The following FBRSL1 variants were observed in gnomAD, a reference collection of about 807,000 sequenced individuals.
FBRSL1 encodes fibrosin like 1.
In FBRSL1, 51 loss-of-function variants were observed where a neutral mutation model predicts 89.6. The ratio of observed to expected loss-of-function variants is 0.57; its 90% CI spans 0.45 to 0.72. The LOEUF (loss-of-function observed/expected upper bound fraction) is 0.72. FBRSL1 is among the 30% of genes least tolerant of loss of function. FBRSL1 has a pLI of 0.00. For missense variants in FBRSL1, 1,618 were observed against 1,451.8 expected, an observed-to-expected ratio of 1.11 and a Z score of -1.86; for synonymous variants, 779 against 681.1, an observed-to-expected ratio of 1.14 and a Z score of -2.24.
Position 132,581,469 on chromosome 12 carries a change from G to A in FBRSL1, c.1865G>A (p.Gly622Glu). The change falls in exon 16 of 19, where the codon GGA becomes GAA. Residue 622 changes from glycine (G) to glutamate (E), a missense_variant. Coordinates refer to ENST00000680143, the MANE Select transcript of FBRSL1 (RefSeq NM_001367871.1). ...GAAHPASNPF[G>E]PSAHPGSFLP... is the part of the protein sequence containing the mutation. ...GCCCATCCTGCCTCCAACCCATTTG[G>A]ACCCTCAGCCCATCCTGGCAGCTTC... The A allele has an allele frequency of 6.4e-7, 1 of 1,551,098 alleles. No homozygotes were observed. The highest frequency in any genetic ancestry group is 1.2e-5 in the South Asian group (1 of 84,068).
At chr12:132,532,052 C>T (rs2036334608) in intron 4 of FBRSL1, among the ~76,000 whole-genome samples, 1 of 152,178 alleles carries the variant, frequency 6.6e-6, no homozygotes, top group African/African-American at 2.4e-5. Flanking sequence ...AATGAGGATC[C>T]ACAAGAGCTT....
chr12:132,531,859 G>A (rs890033111), intron 4 of FBRSL1, among the ~76,000 whole-genome samples: 2 of 152,246 alleles, frequency 1.3e-5, no homozygotes, highest in African/African-American at 2.4e-5. Flanking sequence ...TTAGAGTGGT[G>A]TAATTTTGTC....
At chr12:132,510,064 G>A (rs1488305800) in intron 2 of FBRSL1, 7 of 1,231,150 alleles carry the variant, frequency 5.7e-6, no homozygotes, top group South Asian at 4.1e-5. Flanking sequence ...TCACTCCTGG[G>A]CCCGGGACGG....
intron 5 of FBRSL1, chr12:132,551,473 C>T: frequency 4.4e-6 from 2 of 456,328 alleles, no homozygotes. Flanking sequence ...CCCGAGGAAG[C>T]CTTCTGGACG....
At chr12:132,574,022 G>A in intron 11 of FBRSL1, 68 bp from the exon 12 acceptor site, 1 of 1,101,630 alleles carries the variant, frequency 9.1e-7, no homozygotes, top group Non-Finnish European at 1.1e-6. Flanking sequence ...GCCAGAACCA[G>A]GAAGCCCGAG....
chr12:132,554,940 C>T (rs185029300), intron 5 of FBRSL1: 2 of 152,350 alleles, frequency 1.3e-5, no homozygotes, highest in African/African-American at 4.8e-5. Context: ...AAGTGAGACT[C>T]TGTCTCCAAA....
intron 5 of FBRSL1, 45 bp downstream of exon 5, chr12:132,548,077 C>T (rs1200757390): frequency 6.5e-7 from 1 of 1,548,152 alleles, no homozygotes; most frequent in South Asian, 1.2e-5. Flanking sequence ...CAGCCCTGCC[C>T]TTCCCTGCTG....
At position 132,582,347 on chromosome 12, in the gene FBRSL1, C is replaced by A. The variant is rs867638964; in HGVS notation, c.2201+81C>A. The A allele has an allele frequency of 6.7e-4, 841 of 1,246,806 alleles. 3 individuals carry two copies. The Middle Eastern group carries it at 0.015, about 22-fold the overall frequency. The allele number at this position is 1,246,806 out of a possible 1,614,324, so 77.2% of individuals were successfully genotyped here. A position where few individuals can be genotyped will look rare whatever the true frequency, so the allele number is the denominator to read the frequency against. ...CCCCTCCCGTCATCCCCGGTTCCCCCTCCCCCGTTCCCTCTTCTCCCCGTT... is the reference window on the plus strand; with the variant it reads ...CCCCTCCCGTCATCCCCGGTTCCCCATCCCCCGTTCCCTCTTCTCCCCGTT... On this transcript the variant is annotated intron_variant, in intron 18 of 18. Transcript: ENST00000680143.
intron 5 of FBRSL1, among the ~76,000 whole-genome samples, chr12:132,557,935 T>C (rs11146928): frequency 0.96 from 145,691 of 152,180 alleles, 69,779 homozygotes; most frequent in East Asian, 1. Flanking sequence ...GAGCAGGGCC[T>C]GGAAGAGGGG....
intron 4 of FBRSL1, among the ~76,000 whole-genome samples, chr12:132,537,543 TA>T (rs1267720331): frequency 5.3e-5 from 8 of 152,214 alleles, no homozygotes; most frequent in African/African-American, 1.7e-4. Context: ...TTGTGCATTT[TA>T]AAGCATTTAG....
At chr12:132,515,660 G>A (rs1039838240) in intron 2 of FBRSL1, among the ~76,000 whole-genome samples, 1 of 152,122 alleles carries the variant, frequency 6.6e-6, no homozygotes, top group Non-Finnish European at 1.5e-5. Context: ...AGCACTTTGG[G>A]ACCCCAAGGA....
intron 1 of FBRSL1, among the ~76,000 whole-genome samples, chr12:132,496,990 T>C (rs1484990578): frequency 6.6e-6 from 1 of 152,278 alleles, no homozygotes; most frequent in Non-Finnish European, 1.5e-5. Context: ...ACTCCGGACG[T>C]GGCCCTGGCG....
rs751547137 is a variant in FBRSL1, at chr12:132,581,703, G to A, written c.1913-38G>A. Reference sequence around the variant, plus strand: ...GGGCCAGGTGGGAGCCGCAGCCCACGCCTCACAGACCTCTGGGTCCCGCGG... The same window carrying A: ...GGGCCAGGTGGGAGCCGCAGCCCACACCTCACAGACCTCTGGGTCCCGCGG... On this transcript the variant is annotated intron_variant, in intron 16 of 18. Transcript: ENST00000680143. 129 of 1,545,050 alleles carry A rather than the reference G, an allele frequency of 8.3e-5. No individual in the cohort carries two copies. The South Asian group carries it at 1.1e-3, about 13-fold the overall frequency.
At chr12:132,581,906 C>T (rs890105227) in intron 17 of FBRSL1, 82 bp downstream of exon 17, 4 of 1,365,494 alleles carry the variant, frequency 2.9e-6, no homozygotes, top group African/African-American at 2.9e-5. Flanking sequence ...AACCCCGATG[C>T]CTGGCTGACC....
rs1593275630 is a variant in FBRSL1, at chr12:132,508,443, C to T, written c.489+93C>T. 4 of 1,352,220 alleles carry T rather than the reference C, an allele frequency of 3.0e-6. No individual in the cohort carries two copies. In the East Asian group the frequency reaches 7.8e-5, roughly 26 times the overall value. 83.8% of individuals were successfully genotyped at this position (1,352,220 alleles called of 1,614,324 possible). A position where few individuals can be genotyped will look rare whatever the true frequency, so the allele number is the denominator to read the frequency against. ...AGCACCTGGACACCACGCCACGTGG[C>T]CCCCGGGCCTGCCTGGCAGCGCGCC... On this transcript the variant is annotated intron_variant, in intron 2 of 18. Transcript: ENST00000680143.
At position 132,490,857 on chromosome 12, in the gene FBRSL1, TG is replaced by T; in HGVS notation, c.289del (p.Glu97ArgfsTer6). 2 of 1,394,470 alleles carry T rather than the reference TG, an allele frequency of 1.4e-6. No homozygotes were observed. Among genetic ancestry groups the T allele is most frequent in the Non-Finnish European group, 1.9e-6 (2 of 1,068,370 alleles). The allele number at this position is 1,394,470 out of a possible 1,614,324, so 86.4% of individuals were successfully genotyped here. On this transcript the variant is annotated frameshift_variant, in exon 1 of 19. Coordinates refer to ENST00000680143, the MANE Select transcript of FBRSL1 (RefSeq NM_001367871.1). The stretch of plus-strand genomic sequence containing the variant: ...GCCAGCTTCAGCACCCTGGAGGCCC[TG>T]GAGGTAGGTGGACGGGTGCGGCTTC... ...AIASFSTLEA[L>X]EKDMALKPHE...
intron 2 of FBRSL1, among the ~76,000 whole-genome samples, chr12:132,518,247 C>G (rs1023692650): frequency 2.0e-5 from 3 of 151,974 alleles, no homozygotes; most frequent in African/African-American, 7.3e-5. Context: ...GTCCATCATC[C>G]ACCTGTCTGT....
chr12:132,515,247 T>C (rs2034731657), intron 2 of FBRSL1, among the ~76,000 whole-genome samples: 1 of 152,130 alleles, frequency 6.6e-6, no homozygotes, highest in South Asian at 2.1e-4. Flanking sequence ...CTTCTGTCTT[T>C]CCCCATTTCA....
At chr12:132,527,325 T>C (rs1023377420) in intron 3 of FBRSL1, among the ~76,000 whole-genome samples, 1 of 152,164 alleles carries the variant, frequency 6.6e-6, no homozygotes, top group African/African-American at 2.4e-5. Context: ...TGGTGGGGCC[T>C]TCCCTCTTGG....
Sources: gnomAD v4.1 joint callset for allele counts (sites outside exome capture counted in the v4.1 genomes callset) on GRCh38, gnomAD v4.1.1 for gene constraint, MANE v1.5 for transcripts, NCBI Gene and HGNC (gene_info 2026-07-23, HGNC 2026-07-21) for gene names.